RERE: variants seen among roughly 807,000 people sequenced by gnomAD.
RERE encodes the protein arginine-glutamic acid dipeptide repeats, also known as arginine-glutamic acid dipeptide repeats protein.
A neutral mutation model predicts 146.1 loss-of-function variants in RERE; 40 were observed. The ratio of observed to expected loss-of-function variants is 0.27; its 90% CI spans 0.21 to 0.36. The LOEUF (loss-of-function observed/expected upper bound fraction) is 0.36, where lower values mean the gene tolerates loss of function less well. Among genes scored for constraint, RERE ranks in the 10% least tolerant of loss-of-function variants. The pLI is 1.00. For synonymous variants in RERE, 1,003 were observed against 866.0 expected, an observed-to-expected ratio of 1.16 and a Z score of -2.78; for missense variants, 1,933 against 2,138.7, an observed-to-expected ratio of 0.90 and a Z score of 1.90.
At chr1:8,468,785 T>C (rs1644640292) in intron 10 of RERE, among the ~76,000 whole-genome samples, 1 of 151,974 alleles carries the variant, frequency 6.6e-6, no homozygotes, top group Non-Finnish European at 1.5e-5. Context: ...CAGTCCCAGC[T>C]ACTCAGGAGG....
At chr1:8,670,585 T>TCA (rs1029028104) in intron 1 of RERE, among the ~76,000 whole-genome samples, 4 of 152,130 alleles carry the variant, frequency 2.6e-5, no homozygotes, top group Admixed American at 2.6e-4. Context: ...TTTAAGGTAA[T>TCA]CACTGGCAAG....
rs58064164 is a variant in RERE, at chr1:8,516,227, G to GAAAAAAAAAA, written c.831-7562_831-7553dup. Among the ~76,000 whole-genome samples the GAAAAAAAAAA allele has an allele frequency of 2.7e-3, 140 of 52,298 alleles. 9 individuals are homozygous for GAAAAAAAAAA. Among genetic ancestry groups the GAAAAAAAAAA allele is most frequent in the Non-Finnish European group, 3.4e-3 (105 of 30,642 alleles). 34.3% of individuals were successfully genotyped at this position (52,298 alleles called of 152,430 possible). A position where few individuals can be genotyped will look rare whatever the true frequency, so the allele number is the denominator to read the frequency against. Reference sequence around the variant, plus strand: ...GGGACGGAGCAAGACTCTCTCAGAGGAAAAAAAAAAAAAAAAAAAAAATCT... The same window carrying GAAAAAAAAAA: ...GGGACGGAGCAAGACTCTCTCAGAGGAAAAAAAAAAAAAAAAAAAAAAAAAAAAAAAATCT... On this transcript the variant is annotated intron_variant, in intron 7 of 22. Coordinates refer to ENST00000400908, the MANE Select transcript of RERE (RefSeq NM_001042681.2).
At chr1:8,559,280 CAAAAAAAAA>C (rs548075266) in intron 4 of RERE, among the ~76,000 whole-genome samples, 378 of 12,092 alleles carry the variant, frequency 0.031, 23 homozygotes, top group Admixed American at 0.032. Flanking sequence ...AACTCCAGCT[CAAAAAAAAA>C]AAAAAAAAAA....
chr1:8,637,867 T>G (rs1209340620), intron 2 of RERE, among the ~76,000 whole-genome samples: 2 of 152,232 alleles, frequency 1.3e-5, no homozygotes, highest in Non-Finnish European at 2.9e-5. Context: ...GTGTGAAACC[T>G]TTAAATGTCC....
intron 11 of RERE, chr1:8,434,613 G>C (rs1456773288): frequency 6.6e-6 from 1 of 152,190 alleles, no homozygotes; most frequent in Non-Finnish European, 1.5e-5. Flanking sequence ...GTAGACCTTT[G>C]TAACTGTCTT....
At chr1:8,569,119 A>C (rs574646733) in intron 4 of RERE, among the ~76,000 whole-genome samples, 1 of 152,212 alleles carries the variant, frequency 6.6e-6, no homozygotes, top group East Asian at 1.9e-4. Context: ...TGAAGCACAA[A>C]TTTTCTCTTT....
At chr1:8,445,585 G>A (rs1644305862) in intron 11 of RERE, among the ~76,000 whole-genome samples, 1 of 152,132 alleles carries the variant, frequency 6.6e-6, no homozygotes, top group Non-Finnish European at 1.5e-5. Context: ...ATCTTCATAA[G>A]CAGGAAATTA....
intron 1 of RERE, among the ~76,000 whole-genome samples, chr1:8,732,049 C>T (rs1640097403): frequency 2.0e-5 from 3 of 152,110 alleles, no homozygotes; most frequent in Admixed American, 6.5e-5. Flanking sequence ...GTGATCTGCC[C>T]ACCTCAGCCT....
intron 1 of RERE, among the ~76,000 whole-genome samples, chr1:8,699,933 TACC>T (rs1325100251): frequency 2.0e-5 from 3 of 152,092 alleles, no homozygotes; most frequent in African/African-American, 7.2e-5. Flanking sequence ...GACACAAAGG[TACC>T]ACATTTATAA....
chr1:8,514,654 G>C (rs1294442279), intron 7 of RERE, among the ~76,000 whole-genome samples: 2 of 151,814 alleles, frequency 1.3e-5, no homozygotes, highest in Non-Finnish European at 2.9e-5. Context: ...CTTGAACCCG[G>C]GAGGCAGAGG....
At chr1:8,708,904 AGT>A (rs1639609732) in intron 1 of RERE, among the ~76,000 whole-genome samples, 2 of 104,010 alleles carry the variant, frequency 1.9e-5, no homozygotes, top group Non-Finnish European at 3.9e-5. Context: ...AAAACTCTGG[AGT>A]TTTTTTTTTT....
At chr1:8,569,203 T>G (rs1028688463) in intron 4 of RERE, among the ~76,000 whole-genome samples, 5 of 151,200 alleles carry the variant, frequency 3.3e-5, no homozygotes, top group Admixed American at 6.6e-5. Flanking sequence ...AATTGTCAAA[T>G]TCCCCCTTAA....
chr1:8,497,341 T>G, intron 9 of RERE, 64 bp downstream of exon 9: 1 of 1,567,386 alleles, frequency 6.4e-7, no homozygotes, highest in Non-Finnish European at 8.7e-7. Context: ...ATGCAAAGTT[T>G]ACTGCCTATA....
intron 4 of RERE, among the ~76,000 whole-genome samples, chr1:8,565,949 G>T (rs980678229): frequency 1.3e-5 from 2 of 152,128 alleles, no homozygotes; most frequent in South Asian, 4.1e-4. Flanking sequence ...CTTCTCAGGA[G>T]AAAGAAAGGA....
intron 11 of RERE, among the ~76,000 whole-genome samples, chr1:8,441,374 C>T (rs1161658912): frequency 6.6e-6 from 1 of 152,200 alleles, no homozygotes; most frequent in Non-Finnish European, 1.5e-5. Context: ...CTATCCCCAC[C>T]ACTGCCCCCC....
chr1:8,564,868 G>GTA (rs779992984), intron 4 of RERE, among the ~76,000 whole-genome samples: 9,469 of 124,310 alleles, frequency 0.076, 341 homozygotes, highest in Middle Eastern at 0.099. Context: ...GTGTGTGTGT[G>GTA]TGTATATATA....
At chr1:8,547,190 G>GT (rs1557681518) in intron 6 of RERE, among the ~76,000 whole-genome samples, 1 of 151,504 alleles carries the variant, frequency 6.6e-6, no homozygotes, top group East Asian at 1.9e-4. Context: ...GTAATTCAGA[G>GT]TGTAGTGCTG....
chr1:8,648,429 G>A lies in RERE; in HGVS notation c.325+7544C>T, dbSNP rs372919620. On this transcript the variant is annotated intron_variant, in intron 2 of 22. Coordinates refer to ENST00000400908, the MANE Select transcript of RERE (RefSeq NM_001042681.2). ...GTATTTTGAGTAGAGACAAGGTTTC[G>A]CCATGTTGCCCAAGCTGGTCTTGAA... 7.9e-5 allele frequency among the ~76,000 whole-genome samples: 12 copies of A among 152,092 alleles called. 1 individual carries two copies. The South Asian group carries it at 1.5e-3, about 18-fold the overall frequency.
intron 10 of RERE, among the ~76,000 whole-genome samples, chr1:8,490,004 C>T (rs1433649531): frequency 6.7e-6 from 1 of 149,766 alleles, no homozygotes. Flanking sequence ...AAGCGTAGAT[C>T]GCACCACTCA....
Sources: allele counts gnomAD v4.1 joint callset (sites outside exome capture counted in the v4.1 genomes callset), GRCh38; gene constraint gnomAD v4.1.1; transcripts MANE v1.5; gene names NCBI Gene and HGNC (gene_info 2026-07-23, HGNC 2026-07-21).